The following AKT3 variants were observed in gnomAD, a reference collection of about 807,000 sequenced individuals.
AKT3 encodes RAC-gamma serine/threonine-protein kinase.
In AKT3, 15 loss-of-function variants were observed where a neutral mutation model predicts 65.3. The ratio of observed to expected loss-of-function variants is 0.23; its 90% confidence interval spans 0.15 to 0.35. The LOEUF (loss-of-function observed/expected upper bound fraction) is 0.35, where lower values mean the gene tolerates loss of function less well. Among genes scored for constraint, AKT3 ranks in the 10% least tolerant of loss-of-function variants. The pLI, the probability that AKT3 is intolerant of heterozygous loss-of-function variation, is 1.00. For missense variants in AKT3, 243 were observed against 576.5 expected (o/e 0.42, Z 5.92); for synonymous variants, 206 against 183.8 (o/e 1.12, Z -0.98).
intron 3 of AKT3, among the ~76,000 whole-genome samples, chr1:243,667,326 T>C (rs1408744773): frequency 2.6e-5 from 4 of 152,182 alleles, no homozygotes; most frequent in Admixed American, 2.6e-4. Context: ...CATCTGAACA[T>C]GTCCGAACGT....
intron 4 of AKT3, among the ~76,000 whole-genome samples, chr1:243,648,491 A>C (rs1454427331): frequency 6.6e-6 from 1 of 152,164 alleles, no homozygotes; most frequent in Admixed American, 6.5e-5. Context: ...ATACTTTGTT[A>C]AGAAATTCTG....
chr1:243,607,965 A>G (rs1677554581), intron 8 of AKT3, among the ~76,000 whole-genome samples: 1 of 152,176 alleles, frequency 6.6e-6, no homozygotes, highest in Non-Finnish European at 1.5e-5. Context: ...CCCTTCCACC[A>G]TGATTGTAAG....
intron 2 of AKT3, among the ~76,000 whole-genome samples, chr1:243,699,094 C>A (rs775878736): frequency 6.6e-6 from 1 of 152,080 alleles, no homozygotes; most frequent in Non-Finnish European, 1.5e-5. Flanking sequence ...AAAGTCCTAG[C>A]TTTTATGAGG....
intron 12 of AKT3, among the ~76,000 whole-genome samples, chr1:243,532,950 T>C (rs1235024568): frequency 6.6e-6 from 1 of 152,202 alleles, no homozygotes; most frequent in Non-Finnish European, 1.5e-5. Flanking sequence ...TTCTTCAGAG[T>C]ATCATCTTAT....
intron 3 of AKT3, among the ~76,000 whole-genome samples, chr1:243,686,234 TC>T (rs1430511672): frequency 6.6e-6 from 1 of 152,150 alleles, no homozygotes; most frequent in Non-Finnish European, 1.5e-5. Flanking sequence ...TTGACTTTCT[TC>T]ACAGAATTAG....
chr1:243,662,213 C>T (rs1354832644), intron 4 of AKT3, among the ~76,000 whole-genome samples: 1 of 152,064 alleles, frequency 6.6e-6, no homozygotes, highest in Non-Finnish European at 1.5e-5. Flanking sequence ...TGGGTATATA[C>T]CCAAAGGACT....
At chr1:243,583,195 T>TATATATACAC (rs759291565) in intron 8 of AKT3, among the ~76,000 whole-genome samples, 15 of 88,276 alleles carry the variant, frequency 1.7e-4, no homozygotes, top group South Asian at 4.2e-4. Context: ...TATATATATA[T>TATATATACAC]ACACACACAC....
chr1:243,695,456 T>C, intron 3 of AKT3, 135 bp downstream of exon 3: 3 of 727,980 alleles, frequency 4.1e-6, no homozygotes, highest in Non-Finnish European at 6.2e-6. Flanking sequence ...TGAAATTCTA[T>C]CAAAGCTGAA....
At chr1:243,595,920 A>C (rs1169006237) in intron 8 of AKT3, among the ~76,000 whole-genome samples, 2 of 152,248 alleles carry the variant, frequency 1.3e-5, no homozygotes, top group African/African-American at 4.8e-5. Flanking sequence ...GTCATGTACT[A>C]TCACAATCAA....
intron 8 of AKT3, among the ~76,000 whole-genome samples, chr1:243,573,622 T>A (rs1334540692): frequency 1.3e-5 from 2 of 152,236 alleles, no homozygotes; most frequent in Non-Finnish European, 2.9e-5. Flanking sequence ...TTTATGTTTT[T>A]AATTTATTTT....
At chr1:243,827,741 T>C (rs1694257796) in intron 2 of AKT3, among the ~76,000 whole-genome samples, 1 of 152,074 alleles carries the variant, frequency 6.6e-6, no homozygotes. Context: ...TGTTGAAAAA[T>C]ATAGGAGCAG....
chr1:243,785,687 T>C (rs1012887977), intron 2 of AKT3, among the ~76,000 whole-genome samples: 2 of 152,220 alleles, frequency 1.3e-5, no homozygotes, highest in African/African-American at 2.4e-5. Context: ...TGCGTTCATA[T>C]TGCTATGCAA....
chr1:243,646,515 T>A (rs1309326241), intron 4 of AKT3, among the ~76,000 whole-genome samples: 1 of 151,958 alleles, frequency 6.6e-6, no homozygotes, highest in Non-Finnish European at 1.5e-5. Flanking sequence ...ACACAATGCC[T>A]GACTAATTTT....
chr1:243,678,283 G>C (rs981427446), intron 3 of AKT3, among the ~76,000 whole-genome samples: 1 of 152,020 alleles, frequency 6.6e-6, no homozygotes, highest in Admixed American at 6.6e-5. Context: ...ACATAAAAAG[G>C]CCTCTTGGGT....
chr1:243,635,836 G>C (rs1679933628), intron 6 of AKT3, among the ~76,000 whole-genome samples: 1 of 151,944 alleles, frequency 6.6e-6, no homozygotes, highest in Non-Finnish European at 1.5e-5. Context: ...GGCACAGCAG[G>C]AACCAAACCC....
chr1:243,663,091 T>C (rs1225752437), intron 4 of AKT3, among the ~76,000 whole-genome samples: 1 of 152,216 alleles, frequency 6.6e-6, no homozygotes, highest in Non-Finnish European at 1.5e-5. Flanking sequence ...AAATACTGTG[T>C]TGGGCCATGG....
At chr1:243,522,895 C>T (rs1428245194) in intron 12 of AKT3, among the ~76,000 whole-genome samples, 1 of 152,168 alleles carries the variant, frequency 6.6e-6, no homozygotes, top group African/African-American at 2.4e-5. Context: ...AAGACCCTCT[C>T]TCTCTCTCTG....
chr1:243,586,994 A>G (rs1322227364), intron 8 of AKT3, among the ~76,000 whole-genome samples: 1 of 152,244 alleles, frequency 6.6e-6, no homozygotes, highest in African/African-American at 2.4e-5. Flanking sequence ...GACAAAGCTC[A>G]TATTCTTAAT....
chr1:243,645,357 G>A (rs977746468), intron 5 of AKT3, among the ~76,000 whole-genome samples: 5 of 151,972 alleles, frequency 3.3e-5, no homozygotes, highest in Admixed American at 6.6e-5. Flanking sequence ...ATATAAATTC[G>A]TACTTATTAT....
Sources: gnomAD v4.1 joint callset for allele counts (sites outside exome capture counted in the v4.1 genomes callset) on GRCh38, gnomAD v4.1.1 for gene constraint, MANE v1.5 for transcripts, NCBI Gene and HGNC (gene_info 2026-07-23, HGNC 2026-07-21) for gene names.